Variants in TGFBR3 observed in about 807,000 individuals in gnomAD.
TGFBR3 encodes the protein transforming growth factor beta receptor 3.
A neutral mutation model predicts 87.9 loss-of-function variants in TGFBR3; 46 were observed. The ratio of observed to expected loss-of-function variants is 0.52; its 90% CI spans 0.41 to 0.67. The LOEUF (loss-of-function observed/expected upper bound fraction) is 0.67, where lower values mean the gene tolerates loss of function less well. TGFBR3 is among the 30% of genes least tolerant of loss of function. The probability of loss-of-function intolerance (pLI) is 0.00; values close to 1 mark genes in which losing one functional copy is unlikely to be tolerated. For synonymous variants in TGFBR3, 381 were observed against 391.6 expected (o/e 0.97, Z 0.32); for missense variants, 866 against 1,041.9 (o/e 0.83, Z 2.32).
chr1:91,842,462 G>A (rs1677321910), intron 2 of TGFBR3, among the ~76,000 whole-genome samples: 1 of 152,150 alleles, frequency 6.6e-6, no homozygotes, highest in South Asian at 2.1e-4. Context: ...CACCGTTCTT[G>A]AGCATTCATC....
intron 2 of TGFBR3, among the ~76,000 whole-genome samples, chr1:91,854,225 T>C: frequency 6.6e-6 from 1 of 152,142 alleles, no homozygotes; most frequent in East Asian, 1.9e-4. Flanking sequence ...GAGCCTAAGA[T>C]GGCCATGACC....
At chr1:91,867,767 AACCTGGCTTACCCAGC>A in intron 1 of TGFBR3, among the ~76,000 whole-genome samples, 1 of 152,208 alleles carries the variant, frequency 6.6e-6, no homozygotes, top group African/African-American at 2.4e-5. Context: ...GGGGGTTCAA[AACCTGGCTTACCCAGC>A]TGTGTTACAT....
At chr1:91,890,445 G>A (rs1571608768), upstream of TGFBR3, among the ~76,000 whole-genome samples, 1 of 72,224 alleles carries the variant, frequency 1.4e-5, no homozygotes, top group African/African-American at 5.5e-5. Context: ...TTGAGACACA[G>A]TTTCCGTCTT....
rs1326845411 is a variant in TGFBR3 at position 91,683,399 on chromosome 1, TG to T, written c.*339del. 4 of 528,808 alleles carry T rather than the reference TG, an allele frequency of 7.6e-6. No individual in the cohort carries two copies. The highest frequency in any genetic ancestry group is 1.4e-5 in the Non-Finnish European group (4 of 276,334). The allele number at this position is 528,808 out of a possible 1,614,324, so 32.8% of individuals were successfully genotyped here. On this transcript the variant is annotated 3_prime_UTR_variant, in exon 17 of 17. Transcript: ENST00000212355. ...GGGTAAAACTCAGGGCCCCAAATTA[TG>T]GATGTTCTCACCTGGACAAAGCAGC...
In TGFBR3 at chr1:91,758,733, A is replaced by G; in HGVS notation, c.264T>C (p.Asn88=). The change falls in exon 4 of 17, where the codon AAT becomes AAC. Residue 88 remains asparagine (N), a synonymous_variant. Coordinates refer to ENST00000212355, the MANE Select transcript of TGFBR3 (RefSeq NM_003243.5). ...QLQREVTLHL[N]PISSVHIHHK... ...GGTGGATGTGGACTGAGGAGATGGG[A>G]TTCAGGTGAAGTGTGACCTAGGAAG... 1.2e-6 allele frequency: 2 copies of G among 1,613,960 alleles called. No individual in the cohort carries two copies. Among genetic ancestry groups the G allele is most frequent in the Non-Finnish European group, 1.7e-6 (2 of 1,179,886 alleles).
At chr1:91,695,478 C>A in intron 16 of TGFBR3, 194 bp downstream of exon 16, 1 of 602,978 alleles carries the variant, frequency 1.7e-6, no homozygotes, top group South Asian at 1.9e-5. Flanking sequence ...ACAGTTTAAA[C>A]CTTCCTTTTC....
intron 1 of TGFBR3, among the ~76,000 whole-genome samples, chr1:91,905,183 A>G (rs1035271436): frequency 3.9e-5 from 6 of 152,212 alleles, no homozygotes; most frequent in African/African-American, 1.4e-4. Flanking sequence ...GAATAATCCT[A>G]TTAATGTTGG....
At chr1:91,807,505 GTT>G (rs1270990645) in intron 2 of TGFBR3, among the ~76,000 whole-genome samples, 1 of 152,222 alleles carries the variant, frequency 6.6e-6, no homozygotes, top group South Asian at 2.1e-4. Context: ...GAGCAACCAT[GTT>G]GGAGAATTTC....
chr1:91,690,077 C>G lies in TGFBR3; in HGVS notation c.2437+5595G>C, dbSNP rs375254265. Among the ~76,000 whole-genome samples, 4 of 152,134 alleles carry G rather than the reference C, an allele frequency of 2.6e-5. No homozygotes were observed. In the South Asian group the frequency reaches 8.3e-4, roughly 32 times the overall value. ...ACTGACTTGGCAGACTCAAGAGAGC[C>G]GAAACCTAAGCCAACAGTGGGAAAA... On this transcript the variant is annotated intron_variant, in intron 16 of 16. Transcript: ENST00000212355.
intron 4 of TGFBR3, among the ~76,000 whole-genome samples, chr1:91,753,823 TAGCACTGTTTTCATCCACTC>T (rs1168636993): frequency 6.6e-6 from 1 of 152,236 alleles, no homozygotes; most frequent in Non-Finnish European, 1.5e-5. Context: ...TATATGGATA[TAGCACTGTTTTCATCCACTC>T]ATCTGTTGGT....
chr1:91,701,526 G>A (rs1331624256), intron 14 of TGFBR3, among the ~76,000 whole-genome samples: 1 of 152,146 alleles, frequency 6.6e-6, no homozygotes, highest in Non-Finnish European at 1.5e-5. Flanking sequence ...TTTACAGAAA[G>A]GACAAACTAT....
At chr1:91,808,291 C>G (rs1413095411) in intron 2 of TGFBR3, among the ~76,000 whole-genome samples, 1 of 152,098 alleles carries the variant, frequency 6.6e-6, no homozygotes, top group East Asian at 1.9e-4. Context: ...TTAAATTAAA[C>G]TATGCACAGT....
upstream of TGFBR3, chr1:91,886,355 G>A: frequency 2.8e-6 from 1 of 359,028 alleles, no homozygotes; most frequent in South Asian, 2.1e-5. Context: ...CGCGGCTGAT[G>A]GATGAGCCCC....
intron 3 of TGFBR3, among the ~76,000 whole-genome samples, chr1:91,765,705 A>G (rs1674155767): frequency 6.6e-6 from 1 of 152,224 alleles, no homozygotes; most frequent in Non-Finnish European, 1.5e-5. Context: ...AAACCTTTGG[A>G]GCGTGTTTTC....
chr1:91,864,230 G>C (rs1472025567), intron 1 of TGFBR3: 1 of 152,264 alleles, frequency 6.6e-6, no homozygotes, highest in African/African-American at 2.4e-5. Flanking sequence ...CAGTGGGTCT[G>C]AGGGTCTGTG....
At chr1:91,887,262 T>TTTTTTTTTTTTTTTTTTG (rs1165045165), upstream of TGFBR3, among the ~76,000 whole-genome samples, 32 of 125,266 alleles carry the variant, frequency 2.6e-4, 6 homozygotes, top group African/African-American at 8.0e-4. Context: ...TTTTTTTTTT[T>TTTTTTTTTTTTTTTTTTG]TGAGATGGAG....
In TGFBR3 at chr1:91,886,069, C is replaced by A; in HGVS notation, c.-305G>T. ...TCCGGGAATCGCGCAGGGAAAGTGG[C>A]CGGGGCGCGAGAGCCGCCGACTGCC... is the stretch of plus-strand genomic sequence containing the variant. On this transcript the variant is annotated 5_prime_UTR_variant, in exon 1 of 17. Coordinates refer to ENST00000212355, the MANE Select transcript of TGFBR3 (RefSeq NM_003243.5). 1 of 454,080 alleles carries A rather than the reference C, an allele frequency of 2.2e-6. No individual in the cohort carries two copies. Among genetic ancestry groups the A allele is most frequent in the Non-Finnish European group, 4.4e-6 (1 of 226,768 alleles). 28.1% of individuals were successfully genotyped at this position (454,080 alleles called of 1,614,324 possible).
intron 16 of TGFBR3, among the ~76,000 whole-genome samples, chr1:91,692,844 G>A (rs973249783): frequency 3.9e-5 from 6 of 152,212 alleles, no homozygotes; most frequent in African/African-American, 1.2e-4. Context: ...TTGTGACTTG[G>A]TTTTGTGCTC....
At chr1:91,708,386 G>A (rs372996690) in intron 14 of TGFBR3, among the ~76,000 whole-genome samples, 2 of 152,116 alleles carry the variant, frequency 1.3e-5, no homozygotes, top group African/African-American at 4.8e-5. Context: ...AAGCATATTT[G>A]AATGCAAGGG....
Sources: gnomAD v4.1 joint callset for allele counts (sites outside exome capture counted in the v4.1 genomes callset) on GRCh38, gnomAD v4.1.1 for gene constraint, MANE v1.5 for transcripts, NCBI Gene and HGNC (gene_info 2026-07-23, HGNC 2026-07-21) for gene names.